The following CEP128 variants were observed in gnomAD, a reference collection of about 807,000 sequenced individuals.
CEP128 encodes centrosomal protein 128kDa.
In CEP128, 132 loss-of-function variants were observed where a neutral mutation model predicts 156.7. The ratio of observed to expected loss-of-function variants is 0.84; its 90% CI spans 0.73 to 0.97. CEP128 has a LOEUF of 0.97. Among genes scored for constraint, CEP128 ranks in the 50% least tolerant of loss-of-function variants. The pLI, the probability that CEP128 is intolerant of heterozygous loss-of-function variation, is 0.00. For synonymous variants in CEP128, 469 were observed against 448.9 expected (o/e 1.04, Z -0.57); for missense variants, 1,252 against 1,281.9 (o/e 0.98, Z 0.36).
intron 20 of CEP128, among the ~76,000 whole-genome samples, chr14:80,563,278 T>C (rs1890766415): frequency 6.6e-6 from 1 of 151,976 alleles, no homozygotes; most frequent in Non-Finnish European, 1.5e-5. Context: ...GAAAGGGCAT[T>C]AGGAGGTAGG....
At chr14:80,619,406 A>ACACACACACACACAC (rs1893374857) in intron 19 of CEP128, among the ~76,000 whole-genome samples, 2 of 151,148 alleles carry the variant, frequency 1.3e-5, no homozygotes, top group Admixed American at 6.6e-5. Flanking sequence ...ACACACACAC[A>ACACACACACACACAC]AATAGAAAAC....
chr14:80,894,673 A>T, intron 8 of CEP128: 1 of 400,980 alleles, frequency 2.5e-6, no homozygotes, highest in Non-Finnish European at 4.9e-6. Context: ...GCTCTTCACA[A>T]AAAACTTAAT....
intron 24 of CEP128, 45 bp from the exon 25 acceptor site, chr14:80,497,627 A>C: frequency 7.8e-7 from 1 of 1,286,970 alleles, no homozygotes; most frequent in Non-Finnish European, 1.1e-6. Context: ...AGGTGAATAT[A>C]AAACTGGCCT....
At chr14:80,819,763 T>C (rs891531653) in intron 13 of CEP128, among the ~76,000 whole-genome samples, 1 of 152,178 alleles carries the variant, frequency 6.6e-6, no homozygotes, top group African/African-American at 2.4e-5. Context: ...GTGCTGAGTG[T>C]GAGTTCAATG....
At chr14:80,665,616 A>C (rs1895580530) in intron 19 of CEP128, among the ~76,000 whole-genome samples, 1 of 152,200 alleles carries the variant, frequency 6.6e-6, no homozygotes, top group African/African-American at 2.4e-5. Context: ...ACATGGTAGT[A>C]AAGCCGTCTT....
At chr14:80,855,617 G>C (rs562619088) in intron 9 of CEP128, among the ~76,000 whole-genome samples, 3 of 152,196 alleles carry the variant, frequency 2.0e-5, no homozygotes, top group Admixed American at 2.0e-4. Context: ...CAAAGTGAAT[G>C]ATCAAACAAA....
chr14:80,542,503 G>A (rs952253756), intron 21 of CEP128, among the ~76,000 whole-genome samples: 13 of 152,184 alleles, frequency 8.5e-5, no homozygotes, highest in Admixed American at 8.5e-4. Flanking sequence ...AAAGAAGAAT[G>A]AGGGGATGGT....
chr14:80,856,720 C>CTTTTTT (rs766724436), intron 9 of CEP128, among the ~76,000 whole-genome samples: 1,706 of 65,288 alleles, frequency 0.026, 41 homozygotes, highest in Non-Finnish European at 0.032. Context: ...TTTTTCTTTT[C>CTTTTTT]TTTTTTTTTT....
intron 19 of CEP128, among the ~76,000 whole-genome samples, chr14:80,635,715 T>C (rs11847664): frequency 0.29 from 44,621 of 152,120 alleles, 8,505 homozygotes; most frequent in African/African-American, 0.53. Flanking sequence ...GGTGACTTGT[T>C]AGTTTCCTCC....
At chr14:80,657,382 T>C (rs1417863408) in intron 19 of CEP128, among the ~76,000 whole-genome samples, 1 of 152,062 alleles carries the variant, frequency 6.6e-6, no homozygotes, top group Admixed American at 6.6e-5. Context: ...CTGAGCACGG[T>C]GGCTCACGCT....
At chr14:80,619,580 T>A (rs1024731019) in intron 19 of CEP128, among the ~76,000 whole-genome samples, 1 of 151,194 alleles carries the variant, frequency 6.6e-6, no homozygotes, top group Admixed American at 6.6e-5. Flanking sequence ...TGGGTGCCTA[T>A]AGTCCCAGCT....
intron 15 of CEP128, among the ~76,000 whole-genome samples, chr14:80,782,280 C>T (rs911626019): frequency 2.0e-4 from 31 of 152,206 alleles, no homozygotes; most frequent in Admixed American, 3.3e-4. Flanking sequence ...ACTACCTTCA[C>T]CAACATCGCA....
At chr14:80,587,746 A>G (rs1271044969) in intron 19 of CEP128, among the ~76,000 whole-genome samples, 1 of 152,172 alleles carries the variant, frequency 6.6e-6, no homozygotes, top group South Asian at 2.1e-4. Context: ...AAATTGGCCT[A>G]TGGGCTGTCT....
At chr14:80,796,221 G>A (rs1883464422) in intron 13 of CEP128, among the ~76,000 whole-genome samples, 1 of 152,144 alleles carries the variant, frequency 6.6e-6, no homozygotes, top group African/African-American at 2.4e-5. Context: ...TACTTTGGGA[G>A]GCCGAGGTGG....
intron 19 of CEP128, among the ~76,000 whole-genome samples, chr14:80,652,062 T>C (rs940399518): frequency 1.3e-5 from 2 of 151,916 alleles, no homozygotes; most frequent in Non-Finnish European, 2.9e-5. Flanking sequence ...ATCGGATCTT[T>C]GACAAAGCTG....
chr14:80,523,280 A>G lies in CEP128; in HGVS notation c.3072+3589T>C, dbSNP rs116454902. Reference sequence around the variant, plus strand: ...AATTCTAATAGTGATCCTCTCCCAAACTGAGATGTGGATAAATGTTTTCTT... The same window carrying G: ...AATTCTAATAGTGATCCTCTCCCAAGCTGAGATGTGGATAAATGTTTTCTT... On this transcript the variant is annotated intron_variant, in intron 23 of 24. Transcript: ENST00000555265. Among the ~76,000 whole-genome samples the G allele has an allele frequency of 7.1e-3, 1,083 of 152,270 alleles. 20 individuals are homozygous for G. The highest frequency in any genetic ancestry group is 0.025 in the African/African-American group (1,025 of 41,556).
intron 19 of CEP128, among the ~76,000 whole-genome samples, chr14:80,659,652 T>A (rs926482075): frequency 6.6e-6 from 1 of 152,178 alleles, no homozygotes; most frequent in African/African-American, 2.4e-5. Flanking sequence ...ACAATTATGG[T>A]ATTACTATAA....
At chr14:80,884,024 G>A (rs1888675195) in intron 8 of CEP128, among the ~76,000 whole-genome samples, 2 of 152,168 alleles carry the variant, frequency 1.3e-5, no homozygotes, top group Admixed American at 6.5e-5. Context: ...ATATTCATAT[G>A]CAGAAGTATG....
chr14:80,921,894 C>T (rs1191855744), intron 2 of CEP128, among the ~76,000 whole-genome samples: 2 of 150,792 alleles, frequency 1.3e-5, no homozygotes, highest in East Asian at 2.0e-4. Flanking sequence ...ACCCGGGAGG[C>T]GGAGGCTGCA....
Sources: allele counts gnomAD v4.1 joint callset (sites outside exome capture counted in the v4.1 genomes callset), GRCh38; gene constraint gnomAD v4.1.1; transcripts MANE v1.5; gene names NCBI Gene and HGNC (gene_info 2026-07-23, HGNC 2026-07-21).